Variants in GABRA3 observed in about 807,000 individuals in gnomAD.
GABRA3 encodes the protein gamma-aminobutyric acid receptor subunit alpha-3.
A neutral mutation model predicts 30.1 loss-of-function variants in GABRA3; 10 were observed. The ratio of observed to expected loss-of-function variants is 0.33; its 90% CI spans 0.20 to 0.56. The LOEUF (loss-of-function observed/expected upper bound fraction) is 0.56, where lower values mean the gene tolerates loss of function less well. Ranked by LOEUF, GABRA3 falls within the 20% of genes least tolerant of loss-of-function variation. GABRA3 has a pLI of 0.89. For synonymous variants in GABRA3, 151 were observed against 146.8 expected (o/e 1.03, Z -0.21); for missense variants, 233 against 392.0 (o/e 0.59, Z 3.42).
chrX:152,256,064 G>T, intron 4 of GABRA3, 66 bp from the exon 5 acceptor site: 1 of 792,977 alleles, frequency 1.3e-6, no homozygotes, highest in Non-Finnish European at 1.9e-6. Flanking sequence ...AGTGCCCTTA[G>T]CAAATATTAA....
intron 1 of GABRA3, among the ~76,000 whole-genome samples, chrX:152,438,914 G>A (rs908312606): frequency 1.4e-4 from 16 of 110,553 alleles, no homozygotes; most frequent in Non-Finnish European, 2.5e-4. Context: ...GTTATACATT[G>A]TCAAAATTCA....
At chrX:152,435,293 C>T (rs1268359863) in intron 1 of GABRA3, among the ~76,000 whole-genome samples, 1 of 111,175 alleles carries the variant, frequency 9.0e-6, no homozygotes, top group East Asian at 2.8e-4. Context: ...GGTGCATGCA[C>T]ACGTTTGTTT....
intron 1 of GABRA3, among the ~76,000 whole-genome samples, chrX:152,428,364 G>A (rs1930563120): frequency 1.8e-5 from 2 of 112,132 alleles, no homozygotes; most frequent in Admixed American, 9.4e-5. Context: ...AGTCCCTGGG[G>A]CTGCAGTCAG....
At chrX:152,397,731 C>T (rs894916888) in intron 1 of GABRA3, among the ~76,000 whole-genome samples, 3 of 111,731 alleles carry the variant, frequency 2.7e-5, no homozygotes, top group Admixed American at 9.5e-5. Flanking sequence ...TTTTCTTACA[C>T]GAAAGGAGAA....
intron 4 of GABRA3, among the ~76,000 whole-genome samples, chrX:152,284,108 G>T (rs1444041297): frequency 2.7e-5 from 3 of 111,549 alleles, no homozygotes; most frequent in African/African-American, 9.8e-5. Context: ...GTTCTGCTGT[G>T]CCCTGCTCTA....
chrX:152,443,550 A>G (rs1930988554), intron 1 of GABRA3, among the ~76,000 whole-genome samples: 1 of 111,956 alleles, frequency 8.9e-6, no homozygotes, highest in Admixed American at 9.5e-5. Context: ...TCTAGCGGAT[A>G]TAAGAGTGAA....
intron 1 of GABRA3, among the ~76,000 whole-genome samples, chrX:152,370,904 G>A (rs767812629): frequency 4.5e-5 from 5 of 110,774 alleles, no homozygotes; most frequent in Non-Finnish European, 9.4e-5. Context: ...TACAATCTTA[G>A]AATTGCTCAT....
intron 3 of GABRA3, among the ~76,000 whole-genome samples, chrX:152,326,219 T>A (rs1940054921): frequency 9.0e-6 from 1 of 111,634 alleles, no homozygotes. Context: ...AGACCAAATC[T>A]ACATCTGATT....
rs1928604204 is a variant in GABRA3 at position 152,364,594 on chromosome X, G to A, written c.-24C>T. 8.5e-7 allele frequency: 1 copy of A among 1,181,885 alleles called. No homozygotes were observed. Among genetic ancestry groups the A allele is most frequent in the African/African-American group, 1.8e-5 (1 of 56,982 alleles). ...ATCTTCTTAGGCACAAACTTGGAGAGACCTGTGAGATTCACAGTTTAGATA... is the reference window on the plus strand; with the variant it reads ...ATCTTCTTAGGCACAAACTTGGAGAAACCTGTGAGATTCACAGTTTAGATA... On this transcript the variant is annotated splice_region_variant and 5_prime_UTR_variant, in exon 2 of 10. Coordinates refer to ENST00000370314, the MANE Select transcript of GABRA3 (RefSeq NM_000808.4).
In GABRA3 at chrX:152,256,082, G is replaced by C. The variant is rs1603227173; in HGVS notation, c.331-84C>G. ...GCCCTTAGCAAATATTAATTACCTT[G>C]CAGTATTTCCTCTGATGCAGAGAAG... On this transcript the variant is annotated intron_variant, in intron 4 of 9. Coordinates refer to ENST00000370314, the MANE Select transcript of GABRA3 (RefSeq NM_000808.4). The C allele has an allele frequency of 2.7e-5, 18 of 667,698 alleles. No individual in the cohort carries two copies. In the East Asian group the frequency reaches 6.0e-4, roughly 22 times the overall value. 55.0% of individuals were successfully genotyped at this position (667,698 alleles called of 1,213,427 possible).
At chrX:152,395,256 T>C (rs1392747685) in intron 1 of GABRA3, among the ~76,000 whole-genome samples, 2 of 111,464 alleles carry the variant, frequency 1.8e-5, no homozygotes, top group Non-Finnish European at 3.8e-5. Context: ...GTAAGCATGA[T>C]ACAGGAACAG....
At chrX:152,267,962 A>T (rs1231245910) in intron 4 of GABRA3, among the ~76,000 whole-genome samples, 1 of 109,488 alleles carries the variant, frequency 9.1e-6, no homozygotes, top group Non-Finnish European at 1.9e-5. Flanking sequence ...GATCTTCTGT[A>T]TATTTTGTTT....
intron 1 of GABRA3, among the ~76,000 whole-genome samples, chrX:152,366,813 C>T (rs1928673551): frequency 9.0e-6 from 1 of 111,318 alleles, no homozygotes; most frequent in Non-Finnish European, 1.9e-5. Flanking sequence ...AGCAACCATA[C>T]TATAGGAATT....
At chrX:152,200,009 G>T (rs1210523983) in intron 7 of GABRA3, among the ~76,000 whole-genome samples, 1 of 111,559 alleles carries the variant, frequency 9.0e-6, no homozygotes, top group Admixed American at 9.5e-5. Flanking sequence ...TTTCTAACTG[G>T]TCTCCTTGCT....
intron 1 of GABRA3, among the ~76,000 whole-genome samples, chrX:152,384,021 C>T (rs936952912): frequency 6.6e-5 from 7 of 106,802 alleles, no homozygotes; most frequent in African/African-American, 2.4e-4. Flanking sequence ...TTAACAAACT[C>T]AGTAAAGTTG....
intron 4 of GABRA3, among the ~76,000 whole-genome samples, chrX:152,274,785 AAG>A (rs1430435728): frequency 9.1e-6 from 1 of 109,789 alleles, no homozygotes; most frequent in Non-Finnish European, 1.9e-5. Flanking sequence ...AAAGTAAAGA[AAG>A]AGATGATCCA....
chrX:152,379,047 C>T (rs1373892464), intron 1 of GABRA3, among the ~76,000 whole-genome samples: 1 of 111,191 alleles, frequency 9.0e-6, no homozygotes, highest in Non-Finnish European at 1.9e-5. Context: ...CAGAAATTAA[C>T]GTATTAGAGA....
chrX:152,310,358 C>T (rs184058716), intron 3 of GABRA3, among the ~76,000 whole-genome samples: 20 of 112,344 alleles, frequency 1.8e-4, no homozygotes, highest in Admixed American at 1.6e-3. Flanking sequence ...GGCACAATTC[C>T]TAAACTGAAC....
chrX:152,419,946 T>C (rs1165492348), intron 1 of GABRA3, among the ~76,000 whole-genome samples: 3 of 111,240 alleles, frequency 2.7e-5, no homozygotes, highest in African/African-American at 9.8e-5. Flanking sequence ...AGGATTTATA[T>C]AAAGAATAAA....
Sources: allele counts gnomAD v4.1 joint callset (sites outside exome capture counted in the v4.1 genomes callset), GRCh38; gene constraint gnomAD v4.1.1; transcripts MANE v1.5; gene names NCBI Gene and HGNC (gene_info 2026-07-23, HGNC 2026-07-21).